Variants in MARCHF1 observed in about 807,000 individuals in gnomAD.
The protein encoded by MARCHF1 is membrane associated ring-CH-type finger 1, also known as E3 ubiquitin-protein ligase MARCHF1.
In MARCHF1, 40 loss-of-function variants were observed where a neutral mutation model predicts 54.2. The observed-to-expected ratio is 0.74, with a 90% CI of 0.57 to 0.96. MARCHF1 has a LOEUF of 0.96. Ranked by LOEUF, MARCHF1 falls within the 40% of genes least tolerant of loss-of-function variation. The probability of loss-of-function intolerance (pLI) is 0.00; values close to 1 mark genes in which losing one functional copy is unlikely to be tolerated. For missense variants in MARCHF1, 586 were observed against 656.5 expected, an observed-to-expected ratio of 0.89 and a Z score of 1.17; for synonymous variants, 236 against 236.3, an observed-to-expected ratio of 1.00 and a Z score of 0.01.
chr4:164,003,951 C>A (rs9994929), intron 2 of MARCHF1, among the ~76,000 whole-genome samples: 1 of 152,024 alleles, frequency 6.6e-6, no homozygotes, highest in South Asian at 2.1e-4. Flanking sequence ...GAATACTATG[C>A]AGCCATAAAA....
At chr4:163,597,384 T>A (rs1026294082) in intron 7 of MARCHF1, among the ~76,000 whole-genome samples, 2 of 152,232 alleles carry the variant, frequency 1.3e-5, no homozygotes, top group African/African-American at 4.8e-5. Flanking sequence ...GAATTTCTAG[T>A]TAGGCAAAAC....
At chr4:163,805,301 T>C (rs1748195193) in intron 4 of MARCHF1, among the ~76,000 whole-genome samples, 1 of 152,104 alleles carries the variant, frequency 6.6e-6, no homozygotes. Flanking sequence ...TAATTGTGCA[T>C]GCTTTTATGT....
chr4:164,344,683 A>C (rs139339289), intron 1 of MARCHF1, among the ~76,000 whole-genome samples: 1 of 152,306 alleles, frequency 6.6e-6, no homozygotes, highest in East Asian at 1.9e-4. Context: ...TCAGAAATTA[A>C]TTTGGAGTTT....
At chr4:163,623,374 A>C (rs1312273131) in intron 5 of MARCHF1, among the ~76,000 whole-genome samples, 2 of 152,228 alleles carry the variant, frequency 1.3e-5, no homozygotes, top group Non-Finnish European at 2.9e-5. Flanking sequence ...ACGACTTCTC[A>C]GTCCACTTCT....
At chr4:164,100,168 A>G (rs56124799) in intron 2 of MARCHF1, among the ~76,000 whole-genome samples, 63,926 of 152,114 alleles carry the variant, frequency 0.42, 14,441 homozygotes, top group Non-Finnish European at 0.5. Context: ...CCAAATAATG[A>G]AACTTTCACA....
chr4:163,687,018 T>C (rs1744288625), intron 5 of MARCHF1, among the ~76,000 whole-genome samples: 1 of 152,194 alleles, frequency 6.6e-6, no homozygotes, highest in South Asian at 2.1e-4. Context: ...TTTTTGGGCT[T>C]GGCAAATGTG....
chr4:163,934,698 T>A (rs758146641), intron 3 of MARCHF1, among the ~76,000 whole-genome samples: 2 of 151,042 alleles, frequency 1.3e-5, no homozygotes, highest in Non-Finnish European at 3.0e-5. Context: ...TCTTGCCAAT[T>A]CCACCACATG....
chr4:163,750,475 C>T (rs1260080503), intron 4 of MARCHF1, among the ~76,000 whole-genome samples: 2 of 151,726 alleles, frequency 1.3e-5, no homozygotes, highest in Admixed American at 6.6e-5. Flanking sequence ...CGCGCCACTG[C>T]ACTCCAGCCT....
intron 1 of MARCHF1, among the ~76,000 whole-genome samples, chr4:164,292,081 T>C (rs1289162215): frequency 1.3e-5 from 2 of 152,126 alleles, no homozygotes; most frequent in African/African-American, 4.8e-5. Context: ...ATTATAAATG[T>C]TCCATTATTT....
At chr4:163,707,177 A>G (rs888238966) in intron 4 of MARCHF1, among the ~76,000 whole-genome samples, 2 of 152,110 alleles carry the variant, frequency 1.3e-5, no homozygotes, top group African/African-American at 4.8e-5. Flanking sequence ...TGGGGTGGGA[A>G]AGATTTACAT....
intron 3 of MARCHF1, among the ~76,000 whole-genome samples, chr4:163,920,651 C>A (rs1382737129): frequency 6.6e-6 from 1 of 152,150 alleles, no homozygotes; most frequent in African/African-American, 2.4e-5. Context: ...GGATCCTGCC[C>A]TCTGAGCTCA....
intron 3 of MARCHF1, among the ~76,000 whole-genome samples, chr4:163,903,155 GA>G (rs548017976): frequency 6.6e-6 from 1 of 150,416 alleles, no homozygotes; most frequent in East Asian, 1.9e-4. Context: ...CTTTATATTT[GA>G]AAAAAAAAGT....
chr4:163,935,430 T>G (rs1751771975), intron 3 of MARCHF1, among the ~76,000 whole-genome samples: 1 of 152,210 alleles, frequency 6.6e-6, no homozygotes, highest in South Asian at 2.1e-4. Flanking sequence ...TCTGGATAAC[T>G]TGCTGAAGCT....
chr4:163,853,957 C>T (rs1006512253), intron 4 of MARCHF1, 64 bp downstream of exon 4: 20 of 1,415,772 alleles, frequency 1.4e-5, no homozygotes, highest in African/African-American at 8.5e-5. Context: ...GTCATCCTCT[C>T]CACATTTCTT....
chr4:164,048,586 T>C (rs1395246749), intron 2 of MARCHF1, among the ~76,000 whole-genome samples: 1 of 152,130 alleles, frequency 6.6e-6, no homozygotes, highest in Non-Finnish European at 1.5e-5. Context: ...ATACCACTAT[T>C]AAAAAGAAAA....
chr4:164,081,397 A>T (rs1755098569), intron 2 of MARCHF1, among the ~76,000 whole-genome samples: 1 of 151,940 alleles, frequency 6.6e-6, no homozygotes, highest in Non-Finnish European at 1.5e-5. Flanking sequence ...TTTTTGGAAT[A>T]ACTTAGCAAA....
At chr4:163,745,324 A>T (rs1392481827) in intron 4 of MARCHF1, among the ~76,000 whole-genome samples, 1 of 152,006 alleles carries the variant, frequency 6.6e-6, no homozygotes, top group Admixed American at 6.5e-5. Flanking sequence ...CATCTTGTCC[A>T]TGCTGATCTT....
At chr4:163,668,104 C>A (rs1743605700) in intron 5 of MARCHF1, among the ~76,000 whole-genome samples, 1 of 152,126 alleles carries the variant, frequency 6.6e-6, no homozygotes, top group Non-Finnish European at 1.5e-5. Context: ...TATTTGACAT[C>A]AACATATGAC....
At chr4:163,572,748 G>A (rs1739884273) in intron 8 of MARCHF1, among the ~76,000 whole-genome samples, 1 of 151,980 alleles carries the variant, frequency 6.6e-6, no homozygotes, top group South Asian at 2.1e-4. Flanking sequence ...ACCTCTGTCA[G>A]AATAACAAAG....
Sources: gnomAD v4.1 joint callset for allele counts (sites outside exome capture counted in the v4.1 genomes callset) on GRCh38, gnomAD v4.1.1 for gene constraint, MANE v1.5 for transcripts, NCBI Gene and HGNC (gene_info 2026-07-23, HGNC 2026-07-21) for gene names.